Variants in GLG1 observed in about 807,000 individuals in gnomAD.
GLG1 encodes the protein Golgi apparatus protein 1.
GLG1 carries 38 observed loss-of-function variants against 160.5 expected under a neutral mutation model. The observed-to-expected ratio is 0.24, with a 90% CI of 0.18 to 0.31. The LOEUF is 0.31. Among genes scored for constraint, GLG1 ranks in the 10% least tolerant of loss-of-function variants. The pLI is 1.00. For synonymous variants in GLG1, 644 were observed against 543.4 expected, an observed-to-expected ratio of 1.19 and a Z score of -2.57; for missense variants, 1,373 against 1,505.2, an observed-to-expected ratio of 0.91 and a Z score of 1.45.
chr16:74,522,361 G>A (rs566142474), intron 2 of GLG1, among the ~76,000 whole-genome samples: 6 of 152,328 alleles, frequency 3.9e-5, no homozygotes, highest in African/African-American at 1.4e-4. Context: ...CACTAGCTGT[G>A]CTAACTATCA....
At chr16:74,482,370 T>G (rs745682594) in intron 10 of GLG1, among the ~76,000 whole-genome samples, 1 of 152,214 alleles carries the variant, frequency 6.6e-6, no homozygotes, top group South Asian at 2.1e-4. Flanking sequence ...GCCACTGAAC[T>G]TGAAAAGCTA....
chr16:74,526,952 G>A lies in GLG1; in HGVS notation c.471+5169C>T, dbSNP rs533899744. 5.9e-5 allele frequency among the ~76,000 whole-genome samples: 9 copies of A among 152,240 alleles called. No homozygotes were observed. The East Asian group carries it at 1.5e-3, about 26-fold the overall frequency. ...TTGCTTAGAACAATAATGTCTCAGG[G>A]CATAATCTGTGTTTTGGGTAAAGTG... On this transcript the variant is annotated intron_variant, in intron 2 of 25. Transcript: ENST00000422840.
chr16:74,561,460 C>G (rs2018512232), intron 1 of GLG1, among the ~76,000 whole-genome samples: 1 of 152,158 alleles, frequency 6.6e-6, no homozygotes, highest in Admixed American at 6.5e-5. Flanking sequence ...ATACAAGTTT[C>G]TGATAACTTT....
intron 1 of GLG1, among the ~76,000 whole-genome samples, chr16:74,532,485 A>ATAT (rs759000576): frequency 5.9e-5 from 9 of 152,274 alleles, no homozygotes; most frequent in Non-Finnish European, 1.3e-4. Context: ...TAATTCACTT[A>ATAT]TTATAGAGTG....
In GLG1 at chr16:74,457,893, G is replaced by A. The variant is rs1033264365; in HGVS notation, c.3246C>T (p.Ile1082=). The change falls in exon 24 of 26, where the codon ATC becomes ATT. Residue 1082 remains isoleucine, a synonymous_variant. Coordinates refer to ENST00000422840, the MANE Select transcript of GLG1 (RefSeq NM_001145667.2). ...ACTTACGACGCCCGCGGCCAGGGGT[G>A]ATGGCTGCGCAGTGGTGTTTAATGT... The part of the protein sequence containing the change: ...ALDIKHHCAA[I]TPGRGRQMSC... The A allele has an allele frequency of 1.2e-6, 2 of 1,613,808 alleles. No homozygotes were observed. Among genetic ancestry groups the A allele is most frequent in the Non-Finnish European group, 1.7e-6 (2 of 1,179,834 alleles).
intron 2 of GLG1, among the ~76,000 whole-genome samples, chr16:74,515,676 C>T (rs905022168): frequency 1.3e-5 from 2 of 151,660 alleles, no homozygotes; most frequent in African/African-American, 2.4e-5. Flanking sequence ...ACGTTGTGTA[C>T]ATGTACCCTA....
chr16:74,552,484 G>C, intron 1 of GLG1: 1 of 476,856 alleles, frequency 2.1e-6, no homozygotes. Context: ...ACTGTATCCA[G>C]TATCTCTGAT....
intron 1 of GLG1, among the ~76,000 whole-genome samples, chr16:74,579,592 C>A (rs964040355): frequency 6.6e-6 from 1 of 151,604 alleles, no homozygotes; most frequent in African/African-American, 2.4e-5. Context: ...TGTAGTGGCA[C>A]ACACCTGTAG....
chr16:74,517,317 C>T (rs962101242), intron 2 of GLG1, among the ~76,000 whole-genome samples: 1 of 152,122 alleles, frequency 6.6e-6, no homozygotes, highest in African/African-American at 2.4e-5. Flanking sequence ...ACTGGCAAAC[C>T]AAATCCAGCA....
At chr16:74,497,614 T>G (rs1190410279) in intron 4 of GLG1, among the ~76,000 whole-genome samples, 2 of 151,852 alleles carry the variant, frequency 1.3e-5, no homozygotes, top group African/African-American at 4.8e-5. Flanking sequence ...ATTTTTTGTG[T>G]TTTTAATAGA....
chr16:74,587,738 T>C (rs548627195), intron 1 of GLG1, among the ~76,000 whole-genome samples: 2 of 152,192 alleles, frequency 1.3e-5, no homozygotes, highest in East Asian at 3.9e-4. Context: ...TTGTGGCACG[T>C]GCCTGTAGTC....
At chr16:74,506,456 C>A (rs1399283511) in intron 3 of GLG1, among the ~76,000 whole-genome samples, 3 of 149,698 alleles carry the variant, frequency 2.0e-5, no homozygotes, top group Admixed American at 6.6e-5. Context: ...GTAGCAGGTG[C>A]CTGTAGTCCC....
At position 74,468,926 on chromosome 16, in the gene GLG1, C is replaced by A. The variant is rs756631805; in HGVS notation, c.2436+20G>T. ...CCTGGCCCACTGTGGTTTCTGGGAG[C>A]AGAGGCTGGGAGGCATTACCATCTC... On this transcript the variant is annotated intron_variant, in intron 17 of 25. Transcript: ENST00000422840. 6.9e-7 allele frequency: 1 copy of A among 1,449,380 alleles called. No individual in the cohort carries two copies. Among genetic ancestry groups the A allele is most frequent in the East Asian group, 2.3e-5 (1 of 44,158 alleles). 89.8% of individuals were successfully genotyped at this position (1,449,380 alleles called of 1,614,324 possible). A position where few individuals can be genotyped will look rare whatever the true frequency, so the allele number is the denominator to read the frequency against.
chr16:74,474,283 G>C (rs1041593241), intron 13 of GLG1: 1 of 345,292 alleles, frequency 2.9e-6, no homozygotes, highest in Non-Finnish European at 5.3e-6. Flanking sequence ...AGAAACAGAG[G>C]CAAGTCTAAT....
intron 4 of GLG1, among the ~76,000 whole-genome samples, chr16:74,501,619 G>C (rs2016406950): frequency 6.6e-6 from 1 of 152,178 alleles, no homozygotes; most frequent in Non-Finnish European, 1.5e-5. Context: ...ACTCCACAGA[G>C]GGACTGAAAC....
At chr16:74,474,384 C>A (rs962806760) in intron 13 of GLG1, 162 bp downstream of exon 13, 2 of 609,942 alleles carry the variant, frequency 3.3e-6, no homozygotes, top group Non-Finnish European at 2.9e-6. Flanking sequence ...CAAAGCAACA[C>A]AATATACTTC....
intron 10 of GLG1, among the ~76,000 whole-genome samples, chr16:74,481,696 A>G (rs954402960): frequency 6.6e-6 from 1 of 152,218 alleles, no homozygotes; most frequent in Non-Finnish European, 1.5e-5. Context: ...ACACATGCAC[A>G]CACACACGTC....
rs528236037 is a variant in GLG1 at position 74,527,556 on chromosome 16, G to C, written c.471+4565C>G. On this transcript the variant is annotated intron_variant, in intron 2 of 25. Transcript: ENST00000422840. Reference sequence around the variant, plus strand: ...TGAGCCACCACGCCTGGCCAAGTCAGTTATCTTAAAGCATGAAAGAATAAT... The same window carrying C: ...TGAGCCACCACGCCTGGCCAAGTCACTTATCTTAAAGCATGAAAGAATAAT... Among the ~76,000 whole-genome samples the C allele has an allele frequency of 2.8e-3, 424 of 151,914 alleles. 2 individuals carry two copies. The highest frequency in any genetic ancestry group is 4.7e-3 in the Non-Finnish European group (317 of 67,918).
rs753121526 is a variant in GLG1 at position 74,606,948 on chromosome 16, G to A, written c.147C>T (p.Phe49=). 21 of 1,609,100 alleles carry A rather than the reference G, an allele frequency of 1.3e-5. No homozygotes were observed. Among genetic ancestry groups the A allele is most frequent in the Middle Eastern group, 3.3e-4 (2 of 6,044 alleles). The change falls in exon 1 of 26, where the codon TTC becomes TTT. Residue 49 remains phenylalanine (F), a synonymous_variant. Transcript: ENST00000422840. ...GQGPGANFVS[F]VGQAGGGGPA... is the part of the protein sequence containing the mutation. ...GGCCGCCGCCTCCGGCCTGCCCTACGAAGGACACAAAGTTGGCCCCGGGAC... is the reference window on the plus strand; with the variant it reads ...GGCCGCCGCCTCCGGCCTGCCCTACAAAGGACACAAAGTTGGCCCCGGGAC...
Sources: allele counts gnomAD v4.1 joint callset (sites outside exome capture counted in the v4.1 genomes callset), GRCh38; gene constraint gnomAD v4.1.1; transcripts MANE v1.5; gene names NCBI Gene and HGNC (gene_info 2026-07-23, HGNC 2026-07-21).